Variants in TANC2 observed in about 807,000 individuals in gnomAD.
The protein encoded by TANC2 is protein TANC2.
TANC2 carries 26 observed loss-of-function variants against 210.5 expected under a neutral mutation model. The observed-to-expected ratio is 0.12, with a 90% CI of 0.09 to 0.17. The LOEUF is 0.17. Ranked by LOEUF, TANC2 falls within the 10% of genes least tolerant of loss-of-function variation. The probability of loss-of-function intolerance (pLI) is 1.00; values close to 1 mark genes in which losing one functional copy is unlikely to be tolerated. For missense variants in TANC2, 2,129 were observed against 2,608.9 expected (o/e 0.82, Z 4.01); for synonymous variants, 931 against 967.1 (o/e 0.96, Z 0.69).
rs1459065050 is a variant in TANC2 at position 62,966,530 on chromosome 17, G to GC, written c.-238dup. Among the ~76,000 whole-genome samples the GC allele has an allele frequency of 6.7e-6, 1 of 150,066 alleles. No individual in the cohort carries two copies. The highest frequency in any genetic ancestry group is 1.5e-5 in the Non-Finnish European group (1 of 67,288). On this transcript the variant is annotated 5_prime_UTR_variant, in exon 1 of 28. Coordinates refer to ENST00000689528, the Ensembl canonical transcript of TANC2. This position sits in a 1 kb window ranked among gnomAD's most constrained non-coding sequence, Gnocchi z 5.1. ...GAGCCGAGCCGAGGGGCGAGAGCTG[G>GC]CCCCCGAGCCGCCGCTGACAGGAGC...
chr17:63,303,545 A>G (rs946112795), intron 9 of TANC2, among the ~76,000 whole-genome samples: 2 of 151,046 alleles, frequency 1.3e-5, no homozygotes, highest in African/African-American at 4.9e-5. Context: ...CTTCATTTCA[A>G]CCTTGGAGAA....
At chr17:63,362,142 G>A (rs1166791005) in intron 14 of TANC2, among the ~76,000 whole-genome samples, 1 of 152,202 alleles carries the variant, frequency 6.6e-6, no homozygotes, top group Non-Finnish European at 1.5e-5. Flanking sequence ...CCTGGAATGG[G>A]TAGCTCCTAT....
intron 5 of TANC2, among the ~76,000 whole-genome samples, chr17:63,178,101 G>A (rs182306955): frequency 1.5e-3 from 222 of 152,336 alleles, no homozygotes; most frequent in Admixed American, 2.5e-3. Flanking sequence ...GGAGGCCAAG[G>A]TGGGCGGGTC....
At chr17:62,982,660 C>G (rs143556817) in intron 1 of TANC2, among the ~76,000 whole-genome samples, 2 of 152,172 alleles carry the variant, frequency 1.3e-5, no homozygotes, top group Admixed American at 6.5e-5. Context: ...ATCCTTTAAT[C>G]CCACTAGGAC....
intron 9 of TANC2, among the ~76,000 whole-genome samples, chr17:63,310,072 GAAC>G (rs2045067096): frequency 6.6e-6 from 1 of 152,080 alleles, no homozygotes; most frequent in Non-Finnish European, 1.5e-5. Flanking sequence ...AACTTTCAAA[GAAC>G]AACACTAAAG....
chr17:62,990,946 A>G (rs1598202147), intron 1 of TANC2, among the ~76,000 whole-genome samples: 1 of 152,206 alleles, frequency 6.6e-6, no homozygotes, highest in Non-Finnish European at 1.5e-5. Context: ...GGAACTGACT[A>G]AAAAAGCAGT....
At position 63,128,214 on chromosome 17, in the gene TANC2, T is replaced by C. The variant is rs550578207; in HGVS notation, c.323-23056T>C. Among the ~76,000 whole-genome samples the C allele has an allele frequency of 2.0e-5, 3 of 152,292 alleles. No individual in the cohort carries two copies. In the South Asian group the frequency reaches 6.2e-4, roughly 32 times the overall value. ...CTGGATGACTACTCAATAATAATTG[T>C]ACATTTTAAAATAACTAAAAGAACA... On this transcript the variant is annotated intron_variant, in intron 4 of 27. Coordinates refer to ENST00000689528, the Ensembl canonical transcript of TANC2.
intron 7 of TANC2, among the ~76,000 whole-genome samples, chr17:63,213,892 A>G (rs1327419109): frequency 6.6e-6 from 1 of 152,236 alleles, no homozygotes; most frequent in East Asian, 1.9e-4. Flanking sequence ...GCCTTAGCAT[A>G]TATTTCTTAG....
Position 63,207,200 on chromosome 17 carries a change from C to CT in TANC2, c.769+6252dup, listed in dbSNP as rs1177720536. On this transcript the variant is annotated intron_variant, in intron 7 of 27. Coordinates refer to ENST00000689528, the Ensembl canonical transcript of TANC2. Reference sequence around the variant, plus strand: ...CCTGAAAGCATATTTATGCAAATTTCTTTTTTTTTCCTTTTTTTTTTTTTT... The same window carrying CT: ...CCTGAAAGCATATTTATGCAAATTTCTTTTTTTTTTCCTTTTTTTTTTTTTT... Among the ~76,000 whole-genome samples, 463 of 123,402 alleles carry CT rather than the reference C, an allele frequency of 3.8e-3. 5 individuals carry two copies. The highest frequency in any genetic ancestry group is 0.013 in the African/African-American group (445 of 33,356). The allele number at this position is 123,402 out of a possible 152,430, so 81.0% of individuals were successfully genotyped here. A position where few individuals can be genotyped will look rare whatever the true frequency, so the allele number is the denominator to read the frequency against.
At chr17:63,238,842 A>G (rs969416648) in intron 8 of TANC2, among the ~76,000 whole-genome samples, 4 of 152,182 alleles carry the variant, frequency 2.6e-5, no homozygotes, top group Non-Finnish European at 5.9e-5. Context: ...AGCAGGAGAG[A>G]GAGCAAGCAC....
chr17:63,206,168 A>G (rs1264161811), intron 7 of TANC2, among the ~76,000 whole-genome samples: 2 of 152,248 alleles, frequency 1.3e-5, no homozygotes, highest in Non-Finnish European at 2.9e-5. Context: ...TATACCCATT[A>G]GGATGACAAT....
chr17:63,058,404 G>T (rs2035880875), intron 2 of TANC2, among the ~76,000 whole-genome samples: 1 of 152,250 alleles, frequency 6.6e-6, no homozygotes, highest in East Asian at 1.9e-4. Context: ...TTCGTTTGCT[G>T]TCCAGAAGCT....
At chr17:63,017,809 T>C (rs1159064452) in intron 2 of TANC2, among the ~76,000 whole-genome samples, 1 of 152,202 alleles carries the variant, frequency 6.6e-6, no homozygotes, top group Non-Finnish European at 1.5e-5. Flanking sequence ...ATGTTTCTTA[T>C]AATTTATAGA....
At chr17:63,386,039 A>G (rs2047767456) in intron 15 of TANC2, among the ~76,000 whole-genome samples, 1 of 152,230 alleles carries the variant, frequency 6.6e-6, no homozygotes, top group African/African-American at 2.4e-5. Flanking sequence ...GAGAATGTAT[A>G]AACACTTGCA....
At chr17:63,109,838 T>A in intron 4 of TANC2, among the ~76,000 whole-genome samples, 1 of 151,708 alleles carries the variant, frequency 6.6e-6, no homozygotes, top group East Asian at 1.9e-4. Flanking sequence ...AATGTCCTCC[T>A]TTATTGCTCC....
At chr17:63,007,759 A>G (rs1362849856) in intron 1 of TANC2, among the ~76,000 whole-genome samples, 1 of 152,080 alleles carries the variant, frequency 6.6e-6, no homozygotes, top group Admixed American at 6.6e-5. Flanking sequence ...AAATCTATAT[A>G]TTTTAAAGAA....
At chr17:63,316,025 A>G (rs749074279) in intron 10 of TANC2, among the ~76,000 whole-genome samples, 1 of 152,168 alleles carries the variant, frequency 6.6e-6, no homozygotes, top group Admixed American at 6.5e-5. Flanking sequence ...CAACACTCAA[A>G]TTGACTAGAC....
chr17:63,330,887 T>G (rs2045817941), intron 11 of TANC2, among the ~76,000 whole-genome samples: 1 of 152,014 alleles, frequency 6.6e-6, no homozygotes, highest in African/African-American at 2.4e-5. Flanking sequence ...ACCAGCCTGG[T>G]CAACATGGTG....
chr17:63,307,891 G>A (rs1244505596), intron 9 of TANC2, among the ~76,000 whole-genome samples: 6 of 152,196 alleles, frequency 3.9e-5, no homozygotes, highest in South Asian at 4.1e-4. Context: ...TCAGCCTCCC[G>A]AATAGCTGGG....
Sources: gnomAD v4.1 joint callset for allele counts (sites outside exome capture counted in the v4.1 genomes callset) on GRCh38, gnomAD v4.1.1 for gene constraint, Gnocchi (gnomAD v3.1) non-coding constraint, MANE v1.5 for transcripts, NCBI Gene and HGNC (gene_info 2026-07-23, HGNC 2026-07-21) for gene names.